ZMYM4: variants seen among roughly 807,000 people sequenced by gnomAD.
ZMYM4 encodes the protein zinc finger MYM-type protein 4.
In ZMYM4, 31 loss-of-function variants were observed where a neutral mutation model predicts 183.2. The ratio of observed to expected loss-of-function variants is 0.17; its 90% confidence interval spans 0.13 to 0.23. ZMYM4 has a LOEUF of 0.23. Among genes scored for constraint, ZMYM4 ranks in the 10% least tolerant of loss-of-function variants. The pLI, the probability that ZMYM4 is intolerant of heterozygous loss-of-function variation, is 1.00. For synonymous variants in ZMYM4, 592 were observed against 631.2 expected (o/e 0.94, Z 0.93); for missense variants, 1,273 against 1,840.3 (o/e 0.69, Z 5.64).
intron 2 of ZMYM4, among the ~76,000 whole-genome samples, chr1:35,340,313 G>A (rs1376455189): frequency 6.6e-6 from 1 of 151,978 alleles, no homozygotes; most frequent in Non-Finnish European, 1.5e-5. Context: ...TTGGCACCAG[G>A]GACCAGTTTT....
chr1:35,373,720 G>GT (rs1244698529), intron 7 of ZMYM4, among the ~76,000 whole-genome samples: 2 of 147,924 alleles, frequency 1.4e-5, no homozygotes, highest in Non-Finnish European at 3.0e-5. Context: ...TATATGTTTA[G>GT]TAGAGGCAGA....
In ZMYM4 at chr1:35,269,102, A is replaced by C; in HGVS notation, c.39+17A>C. On this transcript the variant is annotated intron_variant, in intron 1 of 29. Coordinates refer to ENST00000314607, the MANE Select transcript of ZMYM4 (RefSeq NM_005095.3). ...CGAAAGAGGGTAGGTGAGGTGAGGC[A>C]GAACTCGGGCGGCGGGGGGCGGGGC... is the stretch of plus-strand genomic sequence containing the variant. 1 of 1,547,318 alleles carries C rather than the reference A, an allele frequency of 6.5e-7. No individual in the cohort carries two copies. The highest frequency in any genetic ancestry group is 2.0e-5 in the Admixed American group (1 of 50,752).
chr1:35,418,627 G>C, intron 29 of ZMYM4, 55 bp downstream of exon 29: 1 of 1,596,514 alleles, frequency 6.3e-7, no homozygotes, highest in Non-Finnish European at 8.5e-7. Flanking sequence ...AACATATTTT[G>C]GATTTCAGAT....
At chr1:35,354,345 A>G (rs1643736521) in intron 2 of ZMYM4, among the ~76,000 whole-genome samples, 3 of 152,214 alleles carry the variant, frequency 2.0e-5, no homozygotes, top group Admixed American at 2.0e-4. Context: ...TGATGAACAC[A>G]TACGCTGTTT....
At chr1:35,399,377 T>A in intron 22 of ZMYM4, 105 bp from the exon 23 acceptor site, 1 of 1,045,342 alleles carries the variant, frequency 9.6e-7, no homozygotes, top group Non-Finnish European at 1.4e-6. Flanking sequence ...ACAAACAAAC[T>A]AATGAATATA....
intron 5 of ZMYM4, among the ~76,000 whole-genome samples, chr1:35,367,254 T>C (rs1371663030): frequency 6.6e-6 from 1 of 152,028 alleles, no homozygotes; most frequent in African/African-American, 2.4e-5. Flanking sequence ...AGTTTCACTC[T>C]TGTTGCTCAG....
intron 9 of ZMYM4, among the ~76,000 whole-genome samples, chr1:35,384,987 C>T (rs546150463): frequency 4.6e-5 from 7 of 151,792 alleles, no homozygotes; most frequent in African/African-American, 1.2e-4. Context: ...GGACTACAGG[C>T]GCCTGCCACT....
rs2149054486 is a variant in ZMYM4, at chr1:35,420,398, A to T, written c.*721A>T. ...TAAAGGGGATGATATTCCACAAACT[A>T]ATTATGCACACAGAAAATCTGTGGA... On this transcript the variant is annotated 3_prime_UTR_variant, in exon 30 of 30. Transcript: ENST00000314607. 1 of 152,578 alleles carries T rather than the reference A, an allele frequency of 6.6e-6. No homozygotes were observed. Among genetic ancestry groups the T allele is most frequent in the East Asian group, 1.9e-4 (1 of 5,182 alleles). The allele number at this position is 152,578 out of a possible 1,614,324, so 9.5% of individuals were successfully genotyped here.
rs908293256 is a variant in ZMYM4, at chr1:35,295,550, A to C, written c.39+26465A>C. Among the ~76,000 whole-genome samples the C allele has an allele frequency of 2.0e-5, 3 of 152,252 alleles. No individual in the cohort carries two copies. The East Asian group carries it at 5.8e-4, about 29-fold the overall frequency. On this transcript the variant is annotated intron_variant, in intron 1 of 29. Coordinates refer to ENST00000314607, the MANE Select transcript of ZMYM4 (RefSeq NM_005095.3). ...GGACGTTTCAGCATCCCTGGTTTCTATCTACTAGATTTCAACAGCACACCC... is the reference window on the plus strand; with the variant it reads ...GGACGTTTCAGCATCCCTGGTTTCTCTCTACTAGATTTCAACAGCACACCC...
chr1:35,275,367 G>A (rs954200889), intron 1 of ZMYM4, among the ~76,000 whole-genome samples: 7 of 151,762 alleles, frequency 4.6e-5, no homozygotes, highest in Admixed American at 1.3e-4. Flanking sequence ...TCAGTCCCCC[G>A]AGTAGCTAGG....
intron 19 of ZMYM4, 34 bp downstream of exon 19, chr1:35,396,704 G>C: frequency 6.2e-7 from 1 of 1,601,376 alleles, no homozygotes; most frequent in Non-Finnish European, 8.5e-7. Context: ...AGCTAATATA[G>C]CATGCATTTT....
chr1:35,390,183 A>G, intron 15 of ZMYM4, 85 bp downstream of exon 15: 2 of 1,382,716 alleles, frequency 1.4e-6, no homozygotes, highest in Non-Finnish European at 1.9e-6. Context: ...CTGTGTAAAC[A>G]GTTGTCATTA....
At chr1:35,357,131 C>A (rs1040847823) in intron 2 of ZMYM4, among the ~76,000 whole-genome samples, 1 of 152,196 alleles carries the variant, frequency 6.6e-6, no homozygotes, top group African/African-American at 2.4e-5. Context: ...CTCAAACAAT[C>A]CTCTGGCCTC....
At chr1:35,383,165 TTTA>T (rs1432265305) in intron 9 of ZMYM4, among the ~76,000 whole-genome samples, 1 of 152,198 alleles carries the variant, frequency 6.6e-6, no homozygotes, top group Admixed American at 6.5e-5. Context: ...AGATTTGTAT[TTTA>T]TTAGTGAATT....
intron 24 of ZMYM4, 21 bp downstream of exon 24, chr1:35,405,215 G>A (rs372420299): frequency 2.5e-6 from 4 of 1,610,204 alleles, no homozygotes; most frequent in South Asian, 2.2e-5. Context: ...AGCATGAATT[G>A]TATCTTGATT....
intron 1 of ZMYM4, among the ~76,000 whole-genome samples, chr1:35,321,217 T>TTACAC (rs1462043241): frequency 6.6e-6 from 1 of 152,218 alleles, no homozygotes; most frequent in East Asian, 1.9e-4. Context: ...ACATTGGTCG[T>TTACAC]AGTATCACTA....
intron 7 of ZMYM4, among the ~76,000 whole-genome samples, chr1:35,375,019 C>G (rs1644304111): frequency 6.6e-6 from 1 of 152,240 alleles, no homozygotes; most frequent in South Asian, 2.1e-4. Context: ...AACCTGTTAT[C>G]CCTTGACTCT....
In ZMYM4 at chr1:35,370,581, C is replaced by T. The variant is rs139160686; in HGVS notation, c.1135C>T (p.Arg379Cys). ...CACTGGATATACAGTTCCACCTGCC[C>T]GCCCACCGCCTCCTCTCACCAAGAA... ...CLTGYTVPPA[R>C]PPPPLTKKTC... The change falls in exon 7 of 30, where the codon CGC becomes TGC. Residue 379 changes from arginine (R) to cysteine (C), a missense_variant. Physicochemically the swap from Arg to Cys is radical, Grantham distance 180. Transcript: ENST00000314607. The T allele has an allele frequency of 9.9e-5, 160 of 1,612,018 alleles. 1 individual carries two copies. The highest frequency in any genetic ancestry group is 4.7e-4 in the African/African-American group (35 of 74,916).
At chr1:35,316,103 A>G (rs989811727) in intron 1 of ZMYM4, among the ~76,000 whole-genome samples, 2 of 152,176 alleles carry the variant, frequency 1.3e-5, no homozygotes, top group African/African-American at 2.4e-5. Flanking sequence ...TGTGAGCATT[A>G]AATTTGAACG....
Sources: allele counts gnomAD v4.1 joint callset (sites outside exome capture counted in the v4.1 genomes callset), GRCh38; gene constraint gnomAD v4.1.1; transcripts MANE v1.5; gene names NCBI Gene and HGNC (gene_info 2026-07-23, HGNC 2026-07-21).